Variants in PCDH9 observed in about 807,000 individuals in gnomAD.
The protein encoded by PCDH9 is protocadherin 9, also known as protocadherin-9.
Under a neutral mutation model 70.6 loss-of-function variants are expected in PCDH9, and 24 were observed. The ratio of observed to expected loss-of-function variants is 0.34; its 90% confidence interval spans 0.25 to 0.48. The LOEUF (loss-of-function observed/expected upper bound fraction) is 0.48, where lower values mean the gene tolerates loss of function less well. PCDH9 is among the 20% of genes least tolerant of loss of function. The probability of loss-of-function intolerance (pLI) is 0.99; values close to 1 mark genes in which losing one functional copy is unlikely to be tolerated. For missense variants in PCDH9, 1,281 were observed against 1,503.6 expected (o/e 0.85, Z 2.45); for synonymous variants, 562 against 558.5 (o/e 1.01, Z -0.09).
chr13:66,323,878 T>C (rs1464149852), intron 4 of PCDH9, among the ~76,000 whole-genome samples: 1 of 152,016 alleles, frequency 6.6e-6, no homozygotes, highest in African/African-American at 2.4e-5. Context: ...CTCCGGGGCA[T>C]CTGCTTAGTA....
chr13:66,672,331 TG>T (rs915887388), intron 3 of PCDH9, among the ~76,000 whole-genome samples: 3 of 152,228 alleles, frequency 2.0e-5, no homozygotes, highest in Non-Finnish European at 4.4e-5. Flanking sequence ...CATGTGGCAT[TG>T]GGCCTGTGGG....
chr13:66,902,816 T>TA (rs577877244), intron 3 of PCDH9, among the ~76,000 whole-genome samples: 22 of 150,422 alleles, frequency 1.5e-4, no homozygotes, highest in East Asian at 3.9e-4. Flanking sequence ...TACCATGACT[T>TA]AAAAAAAAAT....
At chr13:67,221,530 T>C (rs2089724964) in intron 2 of PCDH9, 1 of 152,082 alleles carries the variant, frequency 6.6e-6, no homozygotes, top group Admixed American at 6.6e-5. Context: ...GTCAGGATGT[T>C]TAAAGCTCTA....
chr13:67,053,911 C>A (rs1421344652), intron 2 of PCDH9, among the ~76,000 whole-genome samples: 1 of 152,108 alleles, frequency 6.6e-6, no homozygotes, highest in Admixed American at 6.5e-5. Flanking sequence ...CATTAAAAAT[C>A]AATATAAGCT....
At chr13:66,894,145 T>C (rs1167427242) in intron 3 of PCDH9, among the ~76,000 whole-genome samples, 4 of 152,174 alleles carry the variant, frequency 2.6e-5, no homozygotes, top group Non-Finnish European at 5.9e-5. Context: ...ATGATCTAAG[T>C]TTATTCTAAT....
chr13:66,956,038 G>T (rs1294413044), intron 2 of PCDH9, among the ~76,000 whole-genome samples: 1 of 152,026 alleles, frequency 6.6e-6, no homozygotes, highest in Non-Finnish European at 1.5e-5. Flanking sequence ...GGAGGCAGAG[G>T]TTGCAGTGAG....
chr13:66,456,231 G>T (rs1390284787), intron 4 of PCDH9, among the ~76,000 whole-genome samples: 4 of 152,022 alleles, frequency 2.6e-5, no homozygotes, highest in Non-Finnish European at 5.9e-5. Flanking sequence ...TAAAGAACTG[G>T]ATAAATTTAT....
chr13:66,344,740 A>G (rs1465241301), intron 4 of PCDH9, among the ~76,000 whole-genome samples: 1 of 152,114 alleles, frequency 6.6e-6, no homozygotes, highest in Non-Finnish European at 1.5e-5. Flanking sequence ...CTCATTACCA[A>G]TTCTCTAAAT....
At chr13:66,846,495 A>G (rs546753994) in intron 3 of PCDH9, among the ~76,000 whole-genome samples, 34 of 152,218 alleles carry the variant, frequency 2.2e-4, no homozygotes, top group African/African-American at 8.2e-4. Flanking sequence ...TAATGTAAAT[A>G]TTTCTTTCAT....
At chr13:66,701,854 T>C (rs888903201) in intron 3 of PCDH9, among the ~76,000 whole-genome samples, 1 of 152,204 alleles carries the variant, frequency 6.6e-6, no homozygotes, top group African/African-American at 2.4e-5. Flanking sequence ...ATGTACATTA[T>C]TCTCACTTAA....
chr13:66,771,367 C>T (rs2079804092), intron 3 of PCDH9, among the ~76,000 whole-genome samples: 1 of 152,168 alleles, frequency 6.6e-6, no homozygotes. Context: ...TTTCTTCCTT[C>T]CTTCTAATCT....
Position 66,304,260 on chromosome 13 carries a change from CAAAAAAA to C in PCDH9, c.*388_*394del, listed in dbSNP as rs55837718. On this transcript the variant is annotated 3_prime_UTR_variant, in exon 5 of 5. Transcript: ENST00000377865. ...TAGCAGTCCCAGCACAAATCAATGACAAAAAAAAAAAAAAAAAAAAAAAAAAGCACAA... is the reference window on the plus strand; with the variant it reads ...TAGCAGTCCCAGCACAAATCAATGACAAAAAAAAAAAAAAAAAAAGCACAA... 103 of 65,526 alleles carry C rather than the reference CAAAAAAA, an allele frequency of 1.6e-3. No individual in the cohort carries two copies. Among genetic ancestry groups the C allele is most frequent in the African/African-American group, 6.2e-3 (96 of 15,546 alleles). The allele number at this position is 65,526 out of a possible 1,614,324, so 4.1% of individuals were successfully genotyped here.
intron 3 of PCDH9, among the ~76,000 whole-genome samples, chr13:66,756,280 A>G (rs1478491961): frequency 1.3e-5 from 2 of 152,216 alleles, no homozygotes; most frequent in Non-Finnish European, 2.9e-5. Context: ...CAGTACAATT[A>G]AAAATCAATC....
intron 3 of PCDH9, among the ~76,000 whole-genome samples, chr13:66,898,986 A>T (rs1008739288): frequency 3.9e-5 from 6 of 151,966 alleles, no homozygotes; most frequent in Non-Finnish European, 8.8e-5. Flanking sequence ...GTCTTGAATT[A>T]GGTAGAAAAT....
chr13:66,349,568 G>T (rs1956262436), intron 4 of PCDH9, among the ~76,000 whole-genome samples: 1 of 152,158 alleles, frequency 6.6e-6, no homozygotes, highest in African/African-American at 2.4e-5. Flanking sequence ...TCTAGCATCT[G>T]ATGTGCCAGG....
chr13:66,674,937 C>A (rs2078222651), intron 3 of PCDH9, among the ~76,000 whole-genome samples: 1 of 152,078 alleles, frequency 6.6e-6, no homozygotes. Flanking sequence ...TTTCTAGAAA[C>A]ATATCTGAGT....
intron 2 of PCDH9, among the ~76,000 whole-genome samples, chr13:67,198,917 T>A (rs900816608): frequency 4.0e-5 from 6 of 151,832 alleles, no homozygotes; most frequent in Admixed American, 1.3e-4. Flanking sequence ...TATAATTTTT[T>A]AAAAAAAGAA....
At chr13:66,332,041 A>T (rs1441187108) in intron 4 of PCDH9, among the ~76,000 whole-genome samples, 3 of 152,144 alleles carry the variant, frequency 2.0e-5, no homozygotes, top group Non-Finnish European at 4.4e-5. Flanking sequence ...GCAGTCAGGG[A>T]GATGACAGCG....
intron 4 of PCDH9, among the ~76,000 whole-genome samples, chr13:66,622,003 T>A (rs998796050): frequency 1.3e-5 from 2 of 152,120 alleles, no homozygotes; most frequent in East Asian, 3.9e-4. Context: ...CCAGCTGGAG[T>A]TCCGGGTGGG....
Sources: allele counts gnomAD v4.1 joint callset (sites outside exome capture counted in the v4.1 genomes callset), GRCh38; gene constraint gnomAD v4.1.1; transcripts MANE v1.5; gene names NCBI Gene and HGNC (gene_info 2026-07-23, HGNC 2026-07-21).